Variants in CNOT10 observed in about 807,000 individuals in gnomAD.
CNOT10 encodes CCR4-NOT transcription complex, subunit 10.
CNOT10 carries 30 observed loss-of-function variants against 94.6 expected under a neutral mutation model. The observed-to-expected ratio is 0.32, with a 90% confidence interval of 0.24 to 0.43. The LOEUF is 0.43. Ranked by LOEUF, CNOT10 falls within the 20% of genes least tolerant of loss-of-function variation. The pLI is 1.00. For synonymous variants in CNOT10, 289 were observed against 301.6 expected, an observed-to-expected ratio of 0.96 and a Z score of 0.43; for missense variants, 759 against 877.2, an observed-to-expected ratio of 0.87 and a Z score of 1.70.
chr3:32,754,489 A>AAAAAAAAAATAT (rs77878221), intron 13 of CNOT10, among the ~76,000 whole-genome samples: 2 of 70,214 alleles, frequency 2.8e-5, no homozygotes, highest in African/African-American at 1.5e-4. Flanking sequence ...AAAAAAAAAA[A>AAAAAAAAAATAT]ATACATATAT....
chr3:32,710,623 C>A (rs1697842328), intron 4 of CNOT10, among the ~76,000 whole-genome samples: 1 of 152,120 alleles, frequency 6.6e-6, no homozygotes, highest in African/African-American at 2.4e-5. Context: ...TGTGCCTGTT[C>A]ATTCCCTTTC....
chr3:32,699,884 A>C (rs1212846319), intron 1 of CNOT10, among the ~76,000 whole-genome samples: 1 of 152,064 alleles, frequency 6.6e-6, no homozygotes, highest in South Asian at 2.1e-4. Context: ...CTTGGGGACA[A>C]GGTGGTCTAC....
chr3:32,695,941 G>T (rs1203397717), intron 1 of CNOT10: 20 of 760,248 alleles, frequency 2.6e-5, no homozygotes, highest in Non-Finnish European at 2.5e-5. Flanking sequence ...AATACACAAG[G>T]AAAATAAAAA....
At chr3:32,753,205 A>G in intron 13 of CNOT10, 2 of 695,770 alleles carry the variant, frequency 2.9e-6, no homozygotes, top group East Asian at 5.6e-5. Flanking sequence ...CTGCCCTAGA[A>G]ATTTTTACAG....
chr3:32,712,164 T>G (rs76260710), intron 4 of CNOT10, among the ~76,000 whole-genome samples: 11 of 43,560 alleles, frequency 2.5e-4, no homozygotes, highest in Non-Finnish European at 3.6e-4. Flanking sequence ...TGTTTGTTTG[T>G]TTTTTTTTTT....
chr3:32,701,707 C>T (rs975183573), intron 1 of CNOT10, among the ~76,000 whole-genome samples: 4 of 152,188 alleles, frequency 2.6e-5, no homozygotes, highest in African/African-American at 7.2e-5. Context: ...CCTGAGAACT[C>T]CCTATATGTG....
intron 13 of CNOT10, among the ~76,000 whole-genome samples, chr3:32,740,089 T>C (rs1699393149): frequency 6.6e-6 from 1 of 152,040 alleles, no homozygotes; most frequent in African/African-American, 2.4e-5. Context: ...AGATCGAGGC[T>C]CTGTCTCTAA....
At chr3:32,728,486 G>A (rs549764164) in intron 10 of CNOT10, among the ~76,000 whole-genome samples, 9 of 151,976 alleles carry the variant, frequency 5.9e-5, no homozygotes, top group East Asian at 4.0e-4. Context: ...GGCAGTGAGC[G>A]CCTGTAGTCC....
chr3:32,765,003 A>G, intron 17 of CNOT10, 194 bp downstream of exon 17: 1 of 1,512,076 alleles, frequency 6.6e-7, no homozygotes, highest in East Asian at 2.6e-5. Context: ...ACTTAAAGGA[A>G]AGTTCTTCTT....
At chr3:32,693,085 T>C (rs1696916803) in intron 1 of CNOT10, among the ~76,000 whole-genome samples, 1 of 152,212 alleles carries the variant, frequency 6.6e-6, no homozygotes, top group African/African-American at 2.4e-5. Flanking sequence ...ATATTGACTG[T>C]TAGTCTTCCC....
intron 1 of CNOT10, among the ~76,000 whole-genome samples, chr3:32,703,623 A>G (rs9852462): frequency 0.99 from 150,205 of 152,294 alleles, 74,112 homozygotes; most frequent in East Asian, 1. Context: ...ATGGAATGCT[A>G]GACAAAGGAA....
intron 1 of CNOT10, among the ~76,000 whole-genome samples, chr3:32,701,104 G>A (rs911293711): frequency 2.6e-5 from 4 of 151,940 alleles, no homozygotes; most frequent in Admixed American, 2.0e-4. Flanking sequence ...GCAAAACCCC[G>A]TCTCTACTAA....
chr3:32,728,070 C>T (rs1698765097), intron 10 of CNOT10, among the ~76,000 whole-genome samples, 200 bp downstream of exon 10: 1 of 151,782 alleles, frequency 6.6e-6, no homozygotes, highest in Non-Finnish European at 1.5e-5. Flanking sequence ...GATCTCGGCT[C>T]ACTGCAACCT....
chr3:32,768,346 C>A (rs886846034), intron 17 of CNOT10, among the ~76,000 whole-genome samples: 1 of 152,088 alleles, frequency 6.6e-6, no homozygotes, highest in Non-Finnish European at 1.5e-5. Context: ...CTTTGGGAGG[C>A]CAAGGCGGGT....
intron 1 of CNOT10, among the ~76,000 whole-genome samples, chr3:32,698,080 C>A (rs1034770751): frequency 2.6e-5 from 4 of 152,180 alleles, no homozygotes; most frequent in Non-Finnish European, 5.9e-5. Context: ...CTTTTGTGCA[C>A]CTGACAGTTC....
intron 1 of CNOT10, among the ~76,000 whole-genome samples, chr3:32,697,364 C>A (rs1299343784): frequency 6.6e-6 from 1 of 152,158 alleles, no homozygotes; most frequent in Non-Finnish European, 1.5e-5. Flanking sequence ...TGGGTTTTCC[C>A]CTTTGCCCTG....
chr3:32,705,097 T>C (rs985671694), intron 3 of CNOT10, 125 bp downstream of exon 3: 5 of 683,278 alleles, frequency 7.3e-6, no homozygotes, highest in Non-Finnish European at 1.1e-5. Context: ...TTGTTAGCAT[T>C]AATTTTATTT....
At chr3:32,745,835 C>CA (rs1699674597) in intron 13 of CNOT10, among the ~76,000 whole-genome samples, 3 of 151,998 alleles carry the variant, frequency 2.0e-5, no homozygotes, top group African/African-American at 7.2e-5. Context: ...CCTGTCTGTA[C>CA]AAAAAATTGG....
At chr3:32,753,694 G>A in intron 13 of CNOT10, 1 of 1,587,382 alleles carries the variant, frequency 6.3e-7, no homozygotes, top group Non-Finnish European at 8.6e-7. Flanking sequence ...AATCAAAGAA[G>A]AAGAAAATAA....
Sources: gnomAD v4.1 joint callset for allele counts (sites outside exome capture counted in the v4.1 genomes callset) on GRCh38, gnomAD v4.1.1 for gene constraint, MANE v1.5 for transcripts, NCBI Gene and HGNC (gene_info 2026-07-23, HGNC 2026-07-21) for gene names.